CACNA1E: variants seen among roughly 807,000 people sequenced by gnomAD.
CACNA1E encodes voltage-dependent R-type calcium channel subunit alpha-1E.
In CACNA1E, 40 loss-of-function variants were observed where a neutral mutation model predicts 259.2. The observed-to-expected ratio is 0.15, with a 90% confidence interval of 0.12 to 0.20. The LOEUF (loss-of-function observed/expected upper bound fraction) is 0.20. Among genes scored for constraint, CACNA1E ranks in the 10% least tolerant of loss-of-function variants. CACNA1E has a pLI of 1.00. For missense variants in CACNA1E, 1,874 were observed against 3,040.1 expected (o/e 0.62, Z 9.02); for synonymous variants, 1,104 against 1,138.5 (o/e 0.97, Z 0.61).
At chr1:181,318,850 G>A (rs1024483885) in intron 1 of CACNA1E, among the ~76,000 whole-genome samples, 29 of 152,192 alleles carry the variant, frequency 1.9e-4, no homozygotes, top group Non-Finnish European at 1.3e-4. Flanking sequence ...GGAGGAAAGA[G>A]CACAGAGGAA....
chr1:181,515,325 C>T (rs141591224), intron 3 of CACNA1E, among the ~76,000 whole-genome samples: 20 of 152,348 alleles, frequency 1.3e-4, no homozygotes, highest in African/African-American at 4.8e-4. Flanking sequence ...AGGCATGTCA[C>T]TTTAACTGTC....
chr1:181,429,472 C>T (rs1011740244), intron 2 of CACNA1E, among the ~76,000 whole-genome samples: 8 of 152,314 alleles, frequency 5.3e-5, no homozygotes, highest in East Asian at 1.9e-4. Flanking sequence ...AGCATCTATG[C>T]GTAGCTCTGC....
In CACNA1E at chr1:181,772,054, T is replaced by C. The variant is rs916735648; in HGVS notation, c.4974-12T>C. The stretch of plus-strand genomic sequence containing the variant: ...AGCTGCTCCTGCTAACCAAAATGTC[T>C]CTTGGGCTCAGGAGTGCCACAGGTG... On this transcript the variant is annotated splice_polypyrimidine_tract_variant and intron_variant, in intron 36 of 47. Coordinates refer to ENST00000367573, the MANE Select transcript of CACNA1E (RefSeq NM_001205293.3). The C allele has an allele frequency of 1.2e-6, 2 of 1,612,764 alleles. No individual in the cohort carries two copies. The highest frequency in any genetic ancestry group is 2.7e-5 in the African/African-American group (2 of 74,880).
intron 3 of CACNA1E, among the ~76,000 whole-genome samples, chr1:181,538,656 T>A (rs774566028): frequency 4.6e-5 from 7 of 152,068 alleles, no homozygotes; most frequent in Non-Finnish European, 7.4e-5. Flanking sequence ...AGAAGGTGAC[T>A]GTGTTTGGGA....
intron 3 of CACNA1E, among the ~76,000 whole-genome samples, chr1:181,511,939 G>A (rs1348061186): frequency 1.3e-5 from 2 of 152,242 alleles, no homozygotes; most frequent in East Asian, 3.8e-4. Context: ...GGGCGTTGGA[G>A]AAGACCTCAG....
In CACNA1E at chr1:181,651,628, G is replaced by T; in HGVS notation, c.1055+187G>T. On this transcript the variant is annotated intron_variant, in intron 7 of 47. Coordinates refer to ENST00000367573, the MANE Select transcript of CACNA1E (RefSeq NM_001205293.3). ...AGTGAACCATCATTCTAATAATCTT[G>T]ATTATTCTCAGGAATTAAAAAGTCT... 1.5e-5 allele frequency: 8 copies of T among 525,000 alleles called. No homozygotes were observed. The South Asian group carries it at 2.1e-4, about 13-fold the overall frequency. The allele number at this position is 525,000 out of a possible 1,614,324, so 32.5% of individuals were successfully genotyped here. A position where few individuals can be genotyped will look rare whatever the true frequency, so the allele number is the denominator to read the frequency against.
chr1:181,720,344 G>A lies in CACNA1E; in HGVS notation c.1883+7G>A. Reference sequence around the variant, plus strand: ...TGCAGTTATTTGGAGGCAGGTAAGTGCCCAGAAGCTTTCCATCCAAAGGAG... The same window carrying A: ...TGCAGTTATTTGGAGGCAGGTAAGTACCCAGAAGCTTTCCATCCAAAGGAG... On this transcript the variant is annotated splice_region_variant and intron_variant, in intron 14 of 47. Coordinates refer to ENST00000367573, the MANE Select transcript of CACNA1E (RefSeq NM_001205293.3). 1 of 1,611,216 alleles carries A rather than the reference G, an allele frequency of 6.2e-7. No homozygotes were observed.
intron 25 of CACNA1E, among the ~76,000 whole-genome samples, chr1:181,748,525 C>T (rs1247361807): frequency 3.3e-5 from 5 of 151,992 alleles, no homozygotes; most frequent in African/African-American, 1.2e-4. Flanking sequence ...GAAAGGTCTC[C>T]GAGATAAGGA....
chr1:181,613,897 G>A (rs1283024202), intron 6 of CACNA1E, among the ~76,000 whole-genome samples: 1 of 152,144 alleles, frequency 6.6e-6, no homozygotes, highest in Non-Finnish European at 1.5e-5. Context: ...CCTCTTGGTT[G>A]GTAGCAGCTG....
In CACNA1E at chr1:181,454,237, G is replaced by A. The variant is rs550183257; in HGVS notation, c.435-29507G>A. The stretch of plus-strand genomic sequence containing the variant: ...GTGGTCAGGAAAGCCATGCTGTATG[G>A]TGGAGTGAGGGTCTAGAGATCAGGC... On this transcript the variant is annotated intron_variant, in intron 2 of 11. Coordinates refer to the CACNA1E transcript ENST00000524607. Among the ~76,000 whole-genome samples, 32 of 152,314 alleles carry A rather than the reference G, an allele frequency of 2.1e-4. 1 individual carries two copies. The highest frequency in any genetic ancestry group is 7.7e-4 in the African/African-American group (32 of 41,558).
At chr1:181,363,289 C>A (rs1214240943) in intron 1 of CACNA1E, among the ~76,000 whole-genome samples, 1 of 152,126 alleles carries the variant, frequency 6.6e-6, no homozygotes, top group African/African-American at 2.4e-5. Flanking sequence ...TGAATACCTG[C>A]CAAAATGCGC....
At chr1:181,327,014 TC>T (rs954646792) in intron 1 of CACNA1E, among the ~76,000 whole-genome samples, 1 of 152,150 alleles carries the variant, frequency 6.6e-6, no homozygotes, top group African/African-American at 2.4e-5. Flanking sequence ...TCCTTTGCAC[TC>T]CCTTGGCATC....
At chr1:181,587,810 G>A (rs1022154217) in intron 6 of CACNA1E, among the ~76,000 whole-genome samples, 2 of 152,238 alleles carry the variant, frequency 1.3e-5, no homozygotes, top group African/African-American at 4.8e-5. Context: ...GTGAACCCGG[G>A]AGGTGGAGCT....
At chr1:181,506,842 A>G (rs1272126038) in intron 1 of CACNA1E, among the ~76,000 whole-genome samples, 1 of 151,418 alleles carries the variant, frequency 6.6e-6, no homozygotes, top group Non-Finnish European at 1.5e-5. Flanking sequence ...GCAGACTTGG[A>G]TGGTCTCTTC....
intron 1 of CACNA1E, among the ~76,000 whole-genome samples, chr1:181,352,180 TCAG>T (rs1450249310): frequency 2.0e-5 from 3 of 152,198 alleles, no homozygotes; most frequent in African/African-American, 7.2e-5. Context: ...GAGGATTTGA[TCAG>T]CAGGAAAGAG....
intron 37 of CACNA1E, among the ~76,000 whole-genome samples, chr1:181,774,041 C>T (rs996985428): frequency 3.3e-5 from 5 of 152,156 alleles, no homozygotes; most frequent in Admixed American, 6.5e-5. Context: ...ACGATGTGCC[C>T]GAGGCCTTGT....
At chr1:181,511,756 G>A (rs575815447) in intron 3 of CACNA1E, among the ~76,000 whole-genome samples, 64 of 152,344 alleles carry the variant, frequency 4.2e-4, no homozygotes, top group African/African-American at 1.4e-3. Context: ...GCCAGGTCTG[G>A]AAGCTGCCAC....
chr1:181,551,449 C>T lies in CACNA1E; in HGVS notation c.513-26317C>T, dbSNP rs527813296. ...GAGCCCAGGCTGCTGAAGCTTTTGA[C>T]AGTTTGTTTAGGATTCCAGAGGGTC... On this transcript the variant is annotated intron_variant, in intron 3 of 47. Transcript: ENST00000367573. Among the ~76,000 whole-genome samples the T allele has an allele frequency of 9.2e-5, 14 of 152,284 alleles. 1 individual carries two copies. The East Asian group carries it at 2.5e-3, about 27-fold the overall frequency.
chr1:181,330,069 C>T (rs1172994582), intron 1 of CACNA1E, among the ~76,000 whole-genome samples: 1 of 152,176 alleles, frequency 6.6e-6, no homozygotes, highest in Non-Finnish European at 1.5e-5. Flanking sequence ...AGCATTGTTT[C>T]TCCCTGCACA....
Sources: allele counts gnomAD v4.1 joint callset (sites outside exome capture counted in the v4.1 genomes callset), GRCh38; gene constraint gnomAD v4.1.1; transcripts MANE v1.5; gene names NCBI Gene and HGNC (gene_info 2026-07-23, HGNC 2026-07-21).